LRP2: variants seen among roughly 807,000 people sequenced by gnomAD.
LRP2 encodes the protein LDL receptor related protein 2.
LRP2 carries 172 observed loss-of-function variants against 531.0 expected under a neutral mutation model. That is an observed-to-expected ratio of 0.32 (90% CI 0.29 to 0.37). The LOEUF (loss-of-function observed/expected upper bound fraction) is 0.37. LRP2 is among the 10% of genes least tolerant of loss of function. The pLI is 1.00. For synonymous variants in LRP2, 1,992 were observed against 2,027.6 expected (o/e 0.98, Z 0.47); for missense variants, 5,167 against 5,868.3 (o/e 0.88, Z 3.90).
At chr2:169,301,787 G>A (rs1008106911) in intron 4 of LRP2, among the ~76,000 whole-genome samples, 5 of 152,016 alleles carry the variant, frequency 3.3e-5, no homozygotes, top group African/African-American at 1.2e-4. Context: ...AGGAATGCCC[G>A]GAATGGACAC....
At chr2:169,225,047 T>C (rs1689149306) in intron 33 of LRP2, among the ~76,000 whole-genome samples, 2 of 151,912 alleles carry the variant, frequency 1.3e-5, no homozygotes, top group African/African-American at 2.4e-5. Flanking sequence ...GCCAAGGTCT[T>C]GCCACTGCAC....
At chr2:169,353,585 A>T (rs13017879) in intron 1 of LRP2, among the ~76,000 whole-genome samples, 36,240 of 152,088 alleles carry the variant, frequency 0.24, 4,864 homozygotes, top group Non-Finnish European at 0.3. Context: ...GTGGAAGTAC[A>T]TGCTAGCATG....
intron 16 of LRP2, among the ~76,000 whole-genome samples, chr2:169,266,548 GA>G (rs1378527960): frequency 7.2e-5 from 11 of 152,010 alleles, no homozygotes; most frequent in African/African-American, 2.4e-4. Flanking sequence ...TTTCAGACTA[GA>G]AAATTGAGGC....
At chr2:169,347,420 T>A (rs2105569352) in intron 1 of LRP2, among the ~76,000 whole-genome samples, 1 of 152,334 alleles carries the variant, frequency 6.6e-6, no homozygotes, top group African/African-American at 2.4e-5. Flanking sequence ...TGTTCATTTT[T>A]TTCTTCAGTG....
Position 169,271,120 on chromosome 2 carries a change from T to A in LRP2, c.2117-13A>T. ...AAATTCTGAACAGCTGTAGGAAGAA[T>A]AACACAGCACAGTCAGTCACAGCAT... On this transcript the variant is annotated splice_polypyrimidine_tract_variant and intron_variant, in intron 15 of 78. Coordinates refer to ENST00000649046, the MANE Select transcript of LRP2 (RefSeq NM_004525.3). The A allele has an allele frequency of 6.3e-7, 1 of 1,595,838 alleles. No homozygotes were observed. The highest frequency in any genetic ancestry group is 8.6e-7 in the Non-Finnish European group (1 of 1,164,540).
intron 1 of LRP2, among the ~76,000 whole-genome samples, chr2:169,343,004 C>G (rs1054337091): frequency 2.0e-5 from 3 of 152,152 alleles, no homozygotes; most frequent in Admixed American, 6.6e-5. Flanking sequence ...AAATCAAGTG[C>G]TCCTCTTCAA....
chr2:169,295,629 T>C (rs546292566), intron 4 of LRP2, among the ~76,000 whole-genome samples: 2 of 152,168 alleles, frequency 1.3e-5, no homozygotes, highest in Non-Finnish European at 2.9e-5. Flanking sequence ...GATCCTGTCT[T>C]ACTCATTTTA....
chr2:169,169,850 C>G (rs1558992300), intron 59 of LRP2, 32 bp from the exon 60 acceptor site: 3 of 1,457,756 alleles, frequency 2.1e-6, no homozygotes, highest in Middle Eastern at 1.7e-4. Context: ...TCCGAGAAGG[C>G]CTTGTCATTT....
chr2:169,177,858 G>C lies in LRP2; in HGVS notation c.10338C>G (p.Asn3446Lys), dbSNP rs1257823353. The C allele has an allele frequency of 1.2e-6, 2 of 1,614,098 alleles. No homozygotes were observed. The highest frequency in any genetic ancestry group is 1.7e-6 in the Non-Finnish European group (2 of 1,180,048). The change falls in exon 53 of 79, where the codon AAC becomes AAG. Residue 3446 changes from asparagine to lysine, a missense_variant. This residue lies in a region of LRP2 where 1,129 missense variants were observed against 1,362.7 expected (regional missense o/e 0.83). Transcript: ENST00000649046. ...YDGSNRQTLVNTTHRPFDIHV... is the reference protein window; with the variant it reads ...YDGSNRQTLVKTTHRPFDIHV... ...GGATGTCAAATGGTCTGTGTGTTGT[G>C]TTCACCAGTGTCTGTCTATTTGATC...
chr2:169,136,772 A>T (rs1685531102), intron 76 of LRP2, among the ~76,000 whole-genome samples: 1 of 152,030 alleles, frequency 6.6e-6, no homozygotes, highest in Non-Finnish European at 1.5e-5. Context: ...GCCCGCCTGC[A>T]CCCAGGTGAA....
intron 70 of LRP2, among the ~76,000 whole-genome samples, chr2:169,144,312 A>G (rs1408474293): frequency 1.3e-5 from 2 of 152,200 alleles, no homozygotes; most frequent in Non-Finnish European, 2.9e-5. Context: ...GATAATTCTG[A>G]GGCATGCTCA....
chr2:169,247,268 T>C, intron 20 of LRP2, 110 bp downstream of exon 20: 2 of 1,169,200 alleles, frequency 1.7e-6, no homozygotes, highest in Non-Finnish European at 2.4e-6. Context: ...AATATAAAAC[T>C]ACCAGGAGCT....
At chr2:169,143,902 G>T in intron 70 of LRP2, among the ~76,000 whole-genome samples, 1 of 152,168 alleles carries the variant, frequency 6.6e-6, no homozygotes. Flanking sequence ...CACAGACAAA[G>T]CATAGCTATA....
intron 10 of LRP2, among the ~76,000 whole-genome samples, chr2:169,281,880 AT>A (rs1683714282): frequency 6.6e-6 from 1 of 152,142 alleles, no homozygotes; most frequent in African/African-American, 2.4e-5. Context: ...ATACAGTTAA[AT>A]ATCTATATTT....
Position 169,264,157 on chromosome 2 carries a change from G to A in LRP2, c.2321-4940C>T, listed in dbSNP as rs562197332. ...ATAACTAATGCTAGATGACGAGTTA[G>A]TGGGTGCAGCGCACCAGCATGGCAC... On this transcript the variant is annotated intron_variant, in intron 16 of 78. Transcript: ENST00000649046. 5.9e-4 allele frequency among the ~76,000 whole-genome samples: 90 copies of A among 152,204 alleles called. 1 individual carries two copies. In the South Asian group the frequency reaches 0.018, roughly 30 times the overall value.
chr2:169,138,705 A>T lies in LRP2; in HGVS notation c.13390T>A (p.Leu4464Ile). The change falls in exon 75 of 79, where the codon TTA becomes ATA. Residue 4464 changes from leucine (L) to isoleucine (I), a missense_variant and splice_region_variant. Coordinates refer to ENST00000649046, the MANE Select transcript of LRP2 (RefSeq NM_004525.3). ...TCAGAGGGCTTGACGAGACTGCTTA[A>T]GCTGGAAAGAAGTAACCAAAACAGT... ...LLPALPKLPSLSSLVKPSENG... is the reference protein window; with the variant it reads ...LLPALPKLPSISSLVKPSENG... 1 of 1,613,974 alleles carries T rather than the reference A, an allele frequency of 6.2e-7. No homozygotes were observed. The highest frequency in any genetic ancestry group is 1.3e-5 in the African/African-American group (1 of 75,044).
At chr2:169,184,791 C>A (rs1687571619) in intron 50 of LRP2, among the ~76,000 whole-genome samples, 1 of 151,028 alleles carries the variant, frequency 6.6e-6, no homozygotes, top group Admixed American at 6.6e-5. Context: ...GAGAAAGGGT[C>A]TCACTCTGTT....
intron 3 of LRP2, among the ~76,000 whole-genome samples, chr2:169,315,849 C>T (rs576554128): frequency 6.7e-6 from 1 of 148,314 alleles, no homozygotes; most frequent in East Asian, 2.0e-4. Flanking sequence ...ATGGGTCAGA[C>T]ATGGTGGCTC....
intron 44 of LRP2, 133 bp downstream of exon 44, chr2:169,201,495 C>G: frequency 8.0e-7 from 1 of 1,246,136 alleles, no homozygotes; most frequent in Non-Finnish European, 1.1e-6. Context: ...CCGCGCCTAG[C>G]CAAAAATTTA....
Sources: gnomAD v4.1 joint callset for allele counts (sites outside exome capture counted in the v4.1 genomes callset) on GRCh38, gnomAD v4.1.1 for gene constraint, gnomAD v4.1.1 regional missense constraint, MANE v1.5 for transcripts, NCBI Gene and HGNC (gene_info 2026-07-23, HGNC 2026-07-21) for gene names.